CFH: variants seen among roughly 807,000 people sequenced by gnomAD.
The protein encoded by CFH is complement factor H, also known as H factor 1 (complement).
In CFH, 53 loss-of-function variants were observed where a neutral mutation model predicts 147.3. The ratio of observed to expected loss-of-function variants is 0.36; its 90% CI spans 0.29 to 0.45. The LOEUF is 0.45. Ranked by LOEUF, CFH falls within the 20% of genes least tolerant of loss-of-function variation. The probability of loss-of-function intolerance (pLI) is 1.00; values close to 1 mark genes in which losing one functional copy is unlikely to be tolerated. For missense variants in CFH, 1,380 were observed against 1,498.0 expected (o/e 0.92, Z 1.30); for synonymous variants, 536 against 489.4 (o/e 1.10, Z -1.26).
Position 196,673,469 on chromosome 1 carries a change from T to C in CFH, c.244+306T>C, listed in dbSNP as rs1011843062. 2.0e-5 allele frequency: 8 copies of C among 398,552 alleles called. No individual in the cohort carries two copies. The Admixed American group carries it at 2.7e-4, about 13-fold the overall frequency. The allele number at this position is 398,552 out of a possible 1,614,324, so 24.7% of individuals were successfully genotyped here. On this transcript the variant is annotated intron_variant, in intron 2 of 21. Coordinates refer to ENST00000367429, the MANE Select transcript of CFH (RefSeq NM_000186.4). ...CTCCTGCCTCAACTTCCCGAGTAGCTGGGACTATAGGCACGTGCCACCACG... is the reference window on the plus strand; with the variant it reads ...CTCCTGCCTCAACTTCCCGAGTAGCCGGGACTATAGGCACGTGCCACCACG...
chr1:196,688,404 C>T (rs1486176075), intron 7 of CFH, among the ~76,000 whole-genome samples: 2 of 151,906 alleles, frequency 1.3e-5, no homozygotes, highest in African/African-American at 4.8e-5. Flanking sequence ...AAAAGTTAAT[C>T]AAAATCTTAA....
intron 9 of CFH, among the ~76,000 whole-genome samples, chr1:196,693,758 C>A (rs1240885696): frequency 2.0e-5 from 3 of 152,062 alleles, no homozygotes; most frequent in African/African-American, 7.2e-5. Context: ...CCCAGAACAC[C>A]TTTTTTTATT....
intron 15 of CFH, among the ~76,000 whole-genome samples, chr1:196,730,280 T>G (rs1039555909): frequency 1.3e-5 from 2 of 151,944 alleles, no homozygotes; most frequent in Non-Finnish European, 1.5e-5. Flanking sequence ...TGCTACGTTT[T>G]GTTTCCATTC....
At chr1:196,736,660 C>T (rs1426372970) in intron 15 of CFH, among the ~76,000 whole-genome samples, 164 bp from the exon 16 acceptor site, 1 of 151,674 alleles carries the variant, frequency 6.6e-6, no homozygotes, top group Non-Finnish European at 1.5e-5. Context: ...TATTTGCATA[C>T]AAAAACATCA....
chr1:196,678,560 T>C (rs1003679850), intron 5 of CFH: 3 of 152,086 alleles, frequency 2.0e-5, no homozygotes, highest in Non-Finnish European at 1.5e-5. Flanking sequence ...TAGTTCTTTA[T>C]GTTAAATCTA....
intron 12 of CFH, 82 bp downstream of exon 12, chr1:196,725,379 C>T: frequency 7.5e-7 from 1 of 1,340,388 alleles, no homozygotes; most frequent in Non-Finnish European, 1.1e-6. Context: ...TGTTTGGGCT[C>T]CCATTGCCTG....
At chr1:196,672,185 C>T (rs1667304050) in intron 1 of CFH, among the ~76,000 whole-genome samples, 1 of 152,154 alleles carries the variant, frequency 6.6e-6, no homozygotes, top group African/African-American at 2.4e-5. Context: ...TTTCTTACCT[C>T]ATTACCATTC....
In CFH at chr1:196,687,156, C is replaced by T. The variant is rs142839113; in HGVS notation, c.964+1919C>T. Among the ~76,000 whole-genome samples the T allele has an allele frequency of 1.4e-3, 209 of 152,168 alleles. 1 individual carries two copies. Among genetic ancestry groups the T allele is most frequent in the African/African-American group, 4.8e-3 (201 of 41,554 alleles). On this transcript the variant is annotated intron_variant, in intron 7 of 21. Coordinates refer to ENST00000367429, the MANE Select transcript of CFH (RefSeq NM_000186.4). ...ATAAATTACAGTATGAATATATTAG[C>T]AGCAGTTATAAAAATTAGTGAATAT...
chr1:196,715,290 G>A (rs1668841786), intron 10 of CFH, among the ~76,000 whole-genome samples: 2 of 151,832 alleles, frequency 1.3e-5, no homozygotes, highest in Admixed American at 1.3e-4. Context: ...ATGTATACCT[G>A]TAATGGCCTG....
chr1:196,694,889 A>C (rs761911444), intron 9 of CFH, among the ~76,000 whole-genome samples: 1 of 152,188 alleles, frequency 6.6e-6, no homozygotes, highest in African/African-American at 2.4e-5. Flanking sequence ...AGTTCCTTGT[A>C]GATTCTTGAT....
At chr1:196,666,540 A>C (rs1050609721) in intron 1 of CFH, among the ~76,000 whole-genome samples, 6 of 151,808 alleles carry the variant, frequency 4.0e-5, no homozygotes, top group African/African-American at 1.5e-4. Context: ...TAATCTCAGC[A>C]CTTTGGGAGG....
intron 11 of CFH, among the ~76,000 whole-genome samples, chr1:196,722,676 T>A (rs1280306225): frequency 1.3e-5 from 2 of 152,128 alleles, no homozygotes; most frequent in East Asian, 1.9e-4. Context: ...TCAAAAAGGT[T>A]TTTTTAGCTT....
intron 4 of CFH, 159 bp from the exon 5 acceptor site, chr1:196,677,317 G>T: frequency 1.6e-6 from 1 of 643,314 alleles, no homozygotes; most frequent in Non-Finnish European, 2.7e-6. Context: ...TTGTTTCTTA[G>T]AGGAAAGTAT....
At chr1:196,704,852 A>T (rs1668548066) in intron 9 of CFH, among the ~76,000 whole-genome samples, 1 of 152,228 alleles carries the variant, frequency 6.6e-6, no homozygotes, top group Admixed American at 6.5e-5. Flanking sequence ...AAAGCCATTT[A>T]TCTGGTGATA....
intron 1 of CFH, among the ~76,000 whole-genome samples, chr1:196,661,421 GTATTT>G (rs1666900381): frequency 6.6e-6 from 1 of 152,174 alleles, no homozygotes; most frequent in Non-Finnish European, 1.5e-5. Context: ...CAACAGGAAT[GTATTT>G]CTTACACTTC....
intron 11 of CFH, among the ~76,000 whole-genome samples, chr1:196,720,747 A>T (rs1207330791): frequency 1.3e-5 from 2 of 151,834 alleles, no homozygotes; most frequent in Non-Finnish European, 2.9e-5. Context: ...TGCTACTGTG[A>T]GTAGTGAGGC....
chr1:196,707,314 A>G (rs993971682), intron 9 of CFH, among the ~76,000 whole-genome samples: 9 of 152,192 alleles, frequency 5.9e-5, no homozygotes, highest in African/African-American at 2.2e-4. Context: ...TTCTTCCGTT[A>G]CCTTCTCAGA....
At chr1:196,727,372 G>A (rs1482856251) in intron 14 of CFH, among the ~76,000 whole-genome samples, 2 of 152,064 alleles carry the variant, frequency 1.3e-5, no homozygotes, top group African/African-American at 4.8e-5. Context: ...AGGTGTGGTG[G>A]TGCATGCCTG....
At chr1:196,724,676 A>G (rs1208664097) in intron 11 of CFH, among the ~76,000 whole-genome samples, 1 of 152,112 alleles carries the variant, frequency 6.6e-6, no homozygotes, top group East Asian at 1.9e-4. Context: ...ATGATCATTT[A>G]CCTGTAACTT....
Sources: allele counts gnomAD v4.1 joint callset (sites outside exome capture counted in the v4.1 genomes callset), GRCh38; gene constraint gnomAD v4.1.1; transcripts MANE v1.5; gene names NCBI Gene and HGNC (gene_info 2026-07-23, HGNC 2026-07-21).